Variants in QTMAN observed in about 807,000 individuals in gnomAD.
QTMAN encodes tRNA-queuosine alpha-mannosyltransferase.
At chr2:144,331,028 C>T in the QTMAN span, among the ~76,000 whole-genome samples, 2 of 152,304 alleles carry the variant, frequency 1.3e-5, no homozygotes, top group South Asian at 4.1e-4. Context: ...TACCTTATTG[C>T]AAGTATCATG....
chr2:144,123,259 T>C, the QTMAN span, among the ~76,000 whole-genome samples: 1 of 152,150 alleles, frequency 6.6e-6, no homozygotes, highest in Non-Finnish European at 1.5e-5. Context: ...ATATTGTTCT[T>C]AGAATATTAC....
chr2:144,314,904 G>T, the QTMAN span, among the ~76,000 whole-genome samples: 1 of 151,926 alleles, frequency 6.6e-6, no homozygotes, highest in Non-Finnish European at 1.5e-5. Context: ...TATTTATTTT[G>T]AGACAGGGTC....
the QTMAN span, chr2:143,957,199 C>T: frequency 2.5e-6 from 4 of 1,583,990 alleles, no homozygotes; most frequent in Admixed American, 5.6e-5. Context: ...ACTTACATTG[C>T]CACTCCAAAG....
chr2:144,135,558 A>T, the QTMAN span, among the ~76,000 whole-genome samples: 1 of 152,078 alleles, frequency 6.6e-6, no homozygotes, highest in Non-Finnish European at 1.5e-5. Flanking sequence ...CTGTTGATGT[A>T]TCTTCTTTTT....
At chr2:144,208,900 A>T in the QTMAN span, 4 of 656,904 alleles carry the variant, frequency 6.1e-6, no homozygotes, top group Non-Finnish European at 9.7e-6. Flanking sequence ...AGAAAATACA[A>T]ATAATTTAGC....
chr2:144,231,002 T>G, the QTMAN span, among the ~76,000 whole-genome samples: 1 of 152,078 alleles, frequency 6.6e-6, no homozygotes, highest in Non-Finnish European at 1.5e-5. Flanking sequence ...GTGAGCAGTG[T>G]GAGATGCCAT....
chr2:143,974,562 TAA>T, the QTMAN span, among the ~76,000 whole-genome samples: 5 of 152,182 alleles, frequency 3.3e-5, no homozygotes, highest in Non-Finnish European at 5.9e-5. Flanking sequence ...TACTGTAAAG[TAA>T]AAGAGAGATG....
the QTMAN span, among the ~76,000 whole-genome samples, chr2:144,058,327 G>C: frequency 1.3e-5 from 2 of 152,112 alleles, no homozygotes; most frequent in African/African-American, 4.8e-5. Context: ...AATATCAATA[G>C]GAACTAAGTA....
chr2:144,222,507 T>C, the QTMAN span, among the ~76,000 whole-genome samples: 1 of 151,998 alleles, frequency 6.6e-6, no homozygotes, highest in Non-Finnish European at 1.5e-5. Flanking sequence ...TGAAGTGTCT[T>C]GTATTAAGAA....
chr2:144,308,320 C>T, the QTMAN span, among the ~76,000 whole-genome samples: 1 of 151,986 alleles, frequency 6.6e-6, no homozygotes, highest in African/African-American at 2.4e-5. Context: ...GTGCCCGCCA[C>T]CACAGCAGGC....
the QTMAN span, among the ~76,000 whole-genome samples, chr2:144,156,959 C>T: frequency 1.3e-5 from 2 of 151,994 alleles, no homozygotes; most frequent in Non-Finnish European, 1.5e-5. Context: ...ATCTGCCCCA[C>T]GTTAGCCAGT....
chr2:144,191,404 G>A, the QTMAN span, among the ~76,000 whole-genome samples: 1 of 152,120 alleles, frequency 6.6e-6, no homozygotes, highest in Non-Finnish European at 1.5e-5. Flanking sequence ...GCAATGTGCA[G>A]AACAAGGAAG....
the QTMAN span, among the ~76,000 whole-genome samples, chr2:144,281,727 A>G: frequency 6.6e-6 from 1 of 152,226 alleles, no homozygotes; most frequent in Non-Finnish European, 1.5e-5. Context: ...ATGCTTGCAT[A>G]TAGACCAGAG....
the QTMAN span, among the ~76,000 whole-genome samples, chr2:144,133,531 T>C: frequency 1.1e-5 from 1 of 91,226 alleles, no homozygotes; most frequent in African/African-American, 4.2e-5. Flanking sequence ...TAAATAAATA[T>C]ATATAAAGAT....
At chr2:143,985,369 AC>A in the QTMAN span, among the ~76,000 whole-genome samples, 1 of 152,264 alleles carries the variant, frequency 6.6e-6, no homozygotes, top group Non-Finnish European at 1.5e-5. Context: ...AGCATGAAGT[AC>A]TAAGGAAATA....
At chr2:143,986,765 T>A in the QTMAN span, among the ~76,000 whole-genome samples, 2 of 152,204 alleles carry the variant, frequency 1.3e-5, no homozygotes, top group Non-Finnish European at 2.9e-5. Flanking sequence ...AATTTACACA[T>A]TACTGTGCTT....
At chr2:144,045,642 T>C in the QTMAN span, among the ~76,000 whole-genome samples, 1 of 152,202 alleles carries the variant, frequency 6.6e-6, no homozygotes, top group South Asian at 2.1e-4. Context: ...ACTACCACTT[T>C]TCCTGGCTGA....
At chr2:144,079,168 G>A in the QTMAN span, among the ~76,000 whole-genome samples, 1 of 152,098 alleles carries the variant, frequency 6.6e-6, no homozygotes, top group Non-Finnish European at 1.5e-5. Context: ...ATGAAATAGA[G>A]GAGGCAAAGT....
At chr2:144,181,304 C>G in the QTMAN span, among the ~76,000 whole-genome samples, 4 of 152,158 alleles carry the variant, frequency 2.6e-5, no homozygotes, top group Non-Finnish European at 5.9e-5. Flanking sequence ...ACAACTAATG[C>G]AAAATGTGTT....
Sources: gnomAD v4.1 joint callset for allele counts (sites outside exome capture counted in the v4.1 genomes callset) on GRCh38, gnomAD v4.1.1 for gene constraint, MANE v1.5 for transcripts, NCBI Gene and HGNC (gene_info 2026-07-23, HGNC 2026-07-21) for gene names.